The following FAT2 variants were observed in gnomAD, a reference collection of about 807,000 sequenced individuals.
FAT2 encodes FAT atypical cadherin 2.
Under a neutral mutation model 295.3 loss-of-function variants are expected in FAT2, and 150 were observed. The ratio of observed to expected loss-of-function variants is 0.51; its 90% CI spans 0.44 to 0.58. FAT2 has a LOEUF of 0.58. Ranked by LOEUF, FAT2 falls within the 20% of genes least tolerant of loss-of-function variation. The probability of loss-of-function intolerance (pLI) is 0.00; values close to 1 mark genes in which losing one functional copy is unlikely to be tolerated. For synonymous variants in FAT2, 2,026 were observed against 2,150.3 expected (o/e 0.94, Z 1.60); for missense variants, 4,868 against 5,442.7 (o/e 0.89, Z 3.32).
chr5:151,584,885 T>TA (rs1213492427), intron 1 of FAT2, among the ~76,000 whole-genome samples: 1 of 152,110 alleles, frequency 6.6e-6, no homozygotes, highest in African/African-American at 2.4e-5. Flanking sequence ...CCTTGGAGCT[T>TA]AAAAAATATA....
At chr5:151,515,897 A>C (rs1752816105) in intron 20 of FAT2, among the ~76,000 whole-genome samples, 1 of 152,194 alleles carries the variant, frequency 6.6e-6, no homozygotes, top group African/African-American at 2.4e-5. Flanking sequence ...TAATGCCTCC[A>C]TTTTGCTCAG....
In FAT2 at chr5:151,547,464, T is replaced by C. The variant is rs559822499; in HGVS notation, c.4790-1127A>G. Among the ~76,000 whole-genome samples, 5 of 152,358 alleles carry C rather than the reference T, an allele frequency of 3.3e-5. No individual in the cohort carries two copies. The South Asian group carries it at 8.3e-4, about 25-fold the overall frequency. The stretch of plus-strand genomic sequence containing the variant: ...CCACCACAGATACAGGCCTTACACT[T>C]GAGAAAATACTGCACTTTACATGTC... On this transcript the variant is annotated intron_variant, in intron 9 of 23. Transcript: ENST00000261800.
upstream of FAT2, among the ~76,000 whole-genome samples, chr5:151,594,638 C>A (rs184140309): frequency 9.9e-5 from 15 of 152,166 alleles, no homozygotes; most frequent in Non-Finnish European, 1.2e-4. Flanking sequence ...GTCCATTTCC[C>A]CTATTTGCCT....
chr5:151,515,240 C>T (rs573463801), intron 20 of FAT2, among the ~76,000 whole-genome samples: 4 of 152,274 alleles, frequency 2.6e-5, no homozygotes, highest in African/African-American at 9.6e-5. Context: ...CTGGGTTTTC[C>T]TCCAGCATCA....
upstream of FAT2, among the ~76,000 whole-genome samples, chr5:151,594,036 T>C (rs1759504148): frequency 6.6e-6 from 1 of 152,164 alleles, no homozygotes; most frequent in Non-Finnish European, 1.5e-5. Context: ...AGCTCATCTT[T>C]ATGTCAGCAC....
chr5:151,518,516 GA>G (rs1327843159), intron 19 of FAT2, among the ~76,000 whole-genome samples: 2 of 152,136 alleles, frequency 1.3e-5, no homozygotes, highest in African/African-American at 2.4e-5. Context: ...ATGTGTGTGT[GA>G]TTTTAGACCC....
At chr5:151,565,647 A>ACGGG in intron 2 of FAT2, 26 bp downstream of exon 2, 2 of 1,461,026 alleles carry the variant, frequency 1.4e-6, no homozygotes, top group Non-Finnish European at 1.9e-6. Context: ...TGGCCCTGGC[A>ACGGG]CCCCACCCTA....
Position 151,568,922 on chromosome 5 carries a change from C to A in FAT2, c.10G>T (p.Ala4Ser). Reference protein sequence around the residue: MTIALLGFAIFLLH... With the variant: MTISLLGFAIFLLH... ...AAGAATATGGCAAAACCCAGCAGGG[C>A]AATAGTCATGGTGGAAAACTCCCGA... The change falls in exon 2 of 24, where the codon GCC becomes TCC. Residue 4 changes from alanine (A) to serine (S), a missense_variant. Ala to Ser is a moderately conservative substitution (Grantham distance 99, BLOSUM62 1). This residue lies in a region of FAT2 where 3,297 missense variants were observed against 3,669.4 expected (regional missense o/e 0.90). Coordinates refer to ENST00000261800, the MANE Select transcript of FAT2 (RefSeq NM_001447.3). 6.2e-7 allele frequency: 1 copy of A among 1,601,182 alleles called. No homozygotes were observed. The highest frequency in any genetic ancestry group is 8.5e-7 in the Non-Finnish European group (1 of 1,173,734).
At chr5:151,554,276 G>A (rs1757490129) in intron 5 of FAT2, 86 bp downstream of exon 5, 2 of 1,239,594 alleles carry the variant, frequency 1.6e-6, no homozygotes, top group Admixed American at 4.5e-5. Flanking sequence ...TATGCTGGTG[G>A]GCTGTCTCCC....
At position 151,567,801 on chromosome 5, in the gene FAT2, A is replaced by T. The variant is rs769817596; in HGVS notation, c.1131T>A (p.Pro377=). Residue 377 remains proline, a synonymous_variant, in exon 2 of 24, where the codon CCT becomes CCA. Coordinates refer to ENST00000261800, the MANE Select transcript of FAT2 (RefSeq NM_001447.3). ...CTCTCACCATCACCACGCGGCTGCC[A>T]GGAGGGGAAAACTCACTAAGCTGCA... The part of the protein sequence containing the change: ...YRVQLSEFSP[P]GSRVVMVRVT... 6.2e-7 allele frequency: 1 copy of T among 1,614,194 alleles called. No individual in the cohort carries two copies. Among genetic ancestry groups the T allele is most frequent in the Non-Finnish European group, 8.5e-7 (1 of 1,180,022 alleles).
intron 22 of FAT2, among the ~76,000 whole-genome samples, chr5:151,509,135 A>T (rs1360009152): frequency 7.2e-5 from 11 of 152,182 alleles, no homozygotes; most frequent in Non-Finnish European, 8.8e-5. Context: ...CACCTGCCCA[A>T]GTGGAACCAT....
chr5:151,531,117 CTCTT>C lies in FAT2; in HGVS notation c.9811+466_9811+469del, dbSNP rs1057355168. On this transcript the variant is annotated intron_variant, in intron 14 of 23. Coordinates refer to ENST00000261800, the MANE Select transcript of FAT2 (RefSeq NM_001447.3). This position sits in a 1 kb window ranked among gnomAD's most constrained non-coding sequence, Gnocchi z 5.7. The stretch of plus-strand genomic sequence containing the variant: ...GTGAGACGGTTTCCTAGTTCTCTCT[CTCTT>C]CAAGAGAATAAGGGAAAATTAAGGG... Among the ~76,000 whole-genome samples the C allele has an allele frequency of 4.6e-5, 7 of 152,126 alleles. No individual in the cohort carries two copies. The highest frequency in any genetic ancestry group is 1.0e-4 in the Non-Finnish European group (7 of 68,016).
At chr5:151,563,216 G>T in intron 3 of FAT2, 109 bp downstream of exon 3, 1 of 1,072,260 alleles carries the variant, frequency 9.3e-7, no homozygotes, top group Non-Finnish European at 1.4e-6. Flanking sequence ...TGGGGCCAGA[G>T]AATTTGAATT....
intron 1 of FAT2, among the ~76,000 whole-genome samples, chr5:151,588,022 T>C (rs1759244849): frequency 6.6e-6 from 1 of 152,160 alleles, no homozygotes; most frequent in African/African-American, 2.4e-5. Flanking sequence ...ATGGGAGCAA[T>C]GATTCTTCAA....
In FAT2 at chr5:151,568,452, G is replaced by A; in HGVS notation, c.480C>T (p.Asp160=). ...TGCAGATGGGGCTCTTCAGGGGCAT[G>A]TCCTCAGAGATGGTGACTCTGTACG... ...PPSYRVTISE[D]MPLKSPICKV... Residue 160 remains aspartate (D), a synonymous_variant, in exon 2 of 24, where the codon GAC becomes GAT. Coordinates refer to ENST00000261800, the MANE Select transcript of FAT2 (RefSeq NM_001447.3). 9 of 1,614,218 alleles carry A rather than the reference G, an allele frequency of 5.6e-6. No individual in the cohort carries two copies. Among genetic ancestry groups the A allele is most frequent in the Non-Finnish European group, 7.6e-6 (9 of 1,180,044 alleles).
In FAT2 at chr5:151,521,985, G is replaced by A. The variant is rs1436465074; in HGVS notation, c.10608C>T (p.Ile3536=). 6.2e-7 allele frequency: 1 copy of A among 1,614,064 alleles called. No homozygotes were observed. The highest frequency in any genetic ancestry group is 8.5e-7 in the Non-Finnish European group (1 of 1,180,002). ...HYAPSALPLE[I]FITVGEDEFQ... ...ACTCATCCTCTCCAACAGTGATGAA[G>A]ATCTCCAGTGGGAGAGCAGAAGGTG... Residue 3536 remains isoleucine (I), a synonymous_variant, in exon 19 of 24, where the codon ATC becomes ATT. Coordinates refer to ENST00000261800, the MANE Select transcript of FAT2 (RefSeq NM_001447.3).
chr5:151,537,643 C>T (rs1755589513), intron 12 of FAT2, 150 bp downstream of exon 12: 4 of 675,628 alleles, frequency 5.9e-6, no homozygotes, highest in Non-Finnish European at 9.6e-6. Flanking sequence ...TATTATGTCC[C>T]CAGTACAATG....
chr5:151,542,805 G>A lies in FAT2; in HGVS notation c.8322C>T (p.Asn2774=). 1 of 1,614,224 alleles carries A rather than the reference G, an allele frequency of 6.2e-7. No individual in the cohort carries two copies. The highest frequency in any genetic ancestry group is 8.5e-7 in the Non-Finnish European group (1 of 1,180,040). The change falls in exon 10 of 24, where the codon AAC becomes AAT. Residue 2774 remains asparagine (N), a synonymous_variant. Coordinates refer to ENST00000261800, the MANE Select transcript of FAT2 (RefSeq NM_001447.3). The part of the protein sequence containing the change: ...QIDVMAHCLQ[N]TDVVSLVSVN... ...CAGAGACCAAGGACACCACATCAGT[G>A]TTCTGAAGGCAATGTGCCATCACAT...
At chr5:151,557,718 C>T (rs1265801152) in intron 3 of FAT2, among the ~76,000 whole-genome samples, 2 of 152,218 alleles carry the variant, frequency 1.3e-5, no homozygotes, top group African/African-American at 4.8e-5. Flanking sequence ...CCTCAGCCAA[C>T]CTGCATTGGG....
Sources: gnomAD v4.1 joint callset for allele counts (sites outside exome capture counted in the v4.1 genomes callset) on GRCh38, gnomAD v4.1.1 for gene constraint, gnomAD v4.1.1 regional missense constraint, Gnocchi (gnomAD v3.1) non-coding constraint, MANE v1.5 for transcripts, NCBI Gene and HGNC (gene_info 2026-07-23, HGNC 2026-07-21) for gene names.